The following ITFG1 variants were observed in gnomAD, a reference collection of about 807,000 sequenced individuals.
ITFG1 encodes the protein integrin alpha FG-GAP repeat containing 1.
A neutral mutation model predicts 81.8 loss-of-function variants in ITFG1; 34 were observed. The observed-to-expected ratio is 0.42, with a 90% confidence interval of 0.32 to 0.55. The LOEUF (loss-of-function observed/expected upper bound fraction) is 0.55, where lower values mean the gene tolerates loss of function less well. ITFG1 is among the 20% of genes least tolerant of loss of function. The probability of loss-of-function intolerance (pLI) is 0.17; values close to 1 mark genes in which losing one functional copy is unlikely to be tolerated. For synonymous variants in ITFG1, 285 were observed against 270.6 expected (o/e 1.05, Z -0.52); for missense variants, 672 against 755.4 (o/e 0.89, Z 1.29).
chr16:47,187,217 C>A (rs2151516064), intron 14 of ITFG1, among the ~76,000 whole-genome samples: 1 of 152,284 alleles, frequency 6.6e-6, no homozygotes, highest in Admixed American at 6.5e-5. Context: ...ATGCCATCCC[C>A]ATCAAGCTAC....
At chr16:47,396,192 C>T (rs1046176588) in intron 6 of ITFG1, 15 of 984,568 alleles carry the variant, frequency 1.5e-5, no homozygotes, top group African/African-American at 7.0e-5. Flanking sequence ...AAAAGTTAAT[C>T]GGCTGCAACT....
At chr16:47,248,806 G>C (rs1222336879) in intron 12 of ITFG1, among the ~76,000 whole-genome samples, 1 of 152,148 alleles carries the variant, frequency 6.6e-6, no homozygotes, top group Non-Finnish European at 1.5e-5. Flanking sequence ...TTTTAAGTAA[G>C]TATAATAAAT....
chr16:47,375,654 T>C (rs897773429), intron 7 of ITFG1, among the ~76,000 whole-genome samples: 2 of 152,268 alleles, frequency 1.3e-5, no homozygotes, highest in African/African-American at 4.8e-5. Context: ...ATTGGTTTAA[T>C]TGGCAGTCAT....
intron 10 of ITFG1, among the ~76,000 whole-genome samples, chr16:47,274,608 C>T (rs1966378364): frequency 6.6e-6 from 1 of 152,174 alleles, no homozygotes; most frequent in Non-Finnish European, 1.5e-5. Flanking sequence ...TTAAGCTTCA[C>T]ATGCTATGAG....
In ITFG1 at chr16:47,253,352, T is replaced by C. The variant is rs539826337; in HGVS notation, c.1330+5280A>G. 3.9e-5 allele frequency among the ~76,000 whole-genome samples: 6 copies of C among 152,332 alleles called. No individual in the cohort carries two copies. In the South Asian group the frequency reaches 1.0e-3, roughly 26 times the overall value. On this transcript the variant is annotated intron_variant, in intron 12 of 17. Coordinates refer to ENST00000320640, the MANE Select transcript of ITFG1 (RefSeq NM_030790.5). ...TGTCAACAACACATGGCCAACCTTG[T>C]TTCATGTATACCTAGCTTCCACATC...
chr16:47,319,393 C>T (rs1024036930), intron 8 of ITFG1, among the ~76,000 whole-genome samples: 1 of 152,192 alleles, frequency 6.6e-6, no homozygotes, highest in Non-Finnish European at 1.5e-5. Flanking sequence ...TGTCCATCAA[C>T]TACCGAAGCT....
At chr16:47,219,008 G>A (rs1036023853) in intron 13 of ITFG1, 62 bp from the exon 14 acceptor site, 1 of 1,229,478 alleles carries the variant, frequency 8.1e-7, no homozygotes, top group East Asian at 2.6e-5. Context: ...GAAGTTTCAG[G>A]CAAATCTCTT....
chr16:47,414,041 G>A (rs1162042319), intron 6 of ITFG1, among the ~76,000 whole-genome samples: 4 of 151,414 alleles, frequency 2.6e-5, no homozygotes, highest in East Asian at 2.0e-4. Context: ...GGCTGGTCTC[G>A]AACTCCTGAC....
At position 47,261,741 on chromosome 16, in the gene ITFG1, G is replaced by A. The variant is rs1248353002; in HGVS notation, c.1071-1046C>T. Among the ~76,000 whole-genome samples, 5 of 152,198 alleles carry A rather than the reference G, an allele frequency of 3.3e-5. No individual in the cohort carries two copies. In the East Asian group the frequency reaches 7.7e-4, roughly 24 times the overall value. ...AGCTGGAGTGCAGTGGTGCAATCTC[G>A]CCTCACTGCAACCTCTCTGCCTCCT... On this transcript the variant is annotated intron_variant, in intron 10 of 17. Coordinates refer to ENST00000320640, the MANE Select transcript of ITFG1 (RefSeq NM_030790.5).
chr16:47,337,233 T>C (rs1470747636), intron 8 of ITFG1, among the ~76,000 whole-genome samples: 1 of 151,578 alleles, frequency 6.6e-6, no homozygotes, highest in Non-Finnish European at 1.5e-5. Flanking sequence ...CTTGTGGAAA[T>C]TTTGACTCCA....
At chr16:47,324,613 A>G (rs1967502349) in intron 8 of ITFG1, among the ~76,000 whole-genome samples, 1 of 152,236 alleles carries the variant, frequency 6.6e-6, no homozygotes, top group African/African-American at 2.4e-5. Flanking sequence ...AGAGACACAC[A>G]TAGGCTCAAA....
rs948204586 is a variant in ITFG1 at position 47,188,036 on chromosome 16, A to C, written c.1454-25372T>G. 3.9e-4 allele frequency among the ~76,000 whole-genome samples: 59 copies of C among 152,242 alleles called. 1 individual carries two copies. In the East Asian group the frequency reaches 0.011, roughly 28 times the overall value. ...AATGCTCATCATCACTGGCTATCAG[A>C]GAAATGCAAATCAAAACCACAGTGA... On this transcript the variant is annotated intron_variant, in intron 14 of 17. Coordinates refer to ENST00000320640, the MANE Select transcript of ITFG1 (RefSeq NM_030790.5).
chr16:47,175,128 G>T (rs1008162634), intron 14 of ITFG1, among the ~76,000 whole-genome samples: 1 of 151,842 alleles, frequency 6.6e-6, no homozygotes, highest in Non-Finnish European at 1.5e-5. Context: ...AGAGAATAAA[G>T]GATAAAAATT....
intron 6 of ITFG1, among the ~76,000 whole-genome samples, chr16:47,420,455 G>A (rs1265087102): frequency 4.6e-5 from 7 of 152,116 alleles, no homozygotes; most frequent in Admixed American, 4.6e-4. Flanking sequence ...AACTATTAAT[G>A]TACTGGATGG....
At chr16:47,228,591 G>C (rs952018540) in intron 13 of ITFG1, among the ~76,000 whole-genome samples, 1 of 152,088 alleles carries the variant, frequency 6.6e-6, no homozygotes, top group African/African-American at 2.4e-5. Flanking sequence ...GACAAGTCTC[G>C]AACTCCTGGG....
At chr16:47,181,221 G>A (rs576053333) in intron 14 of ITFG1, among the ~76,000 whole-genome samples, 13 of 149,952 alleles carry the variant, frequency 8.7e-5, no homozygotes, top group Non-Finnish European at 1.2e-4. Flanking sequence ...CCCTCTGCCC[G>A]GCAGCCGCCC....
intron 14 of ITFG1, among the ~76,000 whole-genome samples, chr16:47,180,450 C>T (rs528082327): frequency 2.0e-5 from 3 of 151,416 alleles, no homozygotes; most frequent in South Asian, 4.3e-4. Flanking sequence ...CTGGACTGTA[C>T]TGCTGCCATC....
At chr16:47,304,673 T>C (rs1363614598) in intron 10 of ITFG1, among the ~76,000 whole-genome samples, 1 of 152,154 alleles carries the variant, frequency 6.6e-6, no homozygotes, top group Non-Finnish European at 1.5e-5. Flanking sequence ...CTAAGTCTTG[T>C]CCTATTCACA....
At chr16:47,186,071 A>C (rs1020630030) in intron 14 of ITFG1, among the ~76,000 whole-genome samples, 1 of 151,980 alleles carries the variant, frequency 6.6e-6, no homozygotes, top group South Asian at 2.1e-4. Context: ...AAGAAGTTGA[A>C]TCTCTGAATA....
Sources: gnomAD v4.1 joint callset for allele counts (sites outside exome capture counted in the v4.1 genomes callset) on GRCh38, gnomAD v4.1.1 for gene constraint, MANE v1.5 for transcripts, NCBI Gene and HGNC (gene_info 2026-07-23, HGNC 2026-07-21) for gene names.